Variants in LPP observed in about 807,000 individuals in gnomAD.
The protein encoded by LPP is LIM domain containing preferred translocation partner in lipoma.
A neutral mutation model predicts 60.4 loss-of-function variants in LPP; 38 were observed. The ratio of observed to expected loss-of-function variants is 0.63; its 90% CI spans 0.49 to 0.83. The LOEUF (loss-of-function observed/expected upper bound fraction) is 0.83. Among genes scored for constraint, LPP ranks in the 40% least tolerant of loss-of-function variants. The pLI is 0.00. For missense variants in LPP, 902 were observed against 783.6 expected (o/e 1.15, Z -1.80); for synonymous variants, 328 against 290.8 (o/e 1.13, Z -1.30).
intron 2 of LPP, among the ~76,000 whole-genome samples, chr3:188,339,360 G>T (rs1349114501): frequency 6.6e-6 from 1 of 152,346 alleles, no homozygotes; most frequent in East Asian, 1.9e-4. Context: ...TAGCTAGAAA[G>T]ACTTCAGCTT....
At chr3:188,699,589 C>A (rs911298658) in intron 7 of LPP, among the ~76,000 whole-genome samples, 3 of 152,188 alleles carry the variant, frequency 2.0e-5, no homozygotes, top group Admixed American at 1.3e-4. Context: ...GTCAAAATTT[C>A]TGGGTCTTCC....
intron 6 of LPP, among the ~76,000 whole-genome samples, chr3:188,556,104 A>G (rs1829402974): frequency 6.6e-6 from 1 of 152,112 alleles, no homozygotes; most frequent in Non-Finnish European, 1.5e-5. Context: ...TAAAAGTTGG[A>G]CCAATGGATC....
At chr3:188,634,263 A>G (rs1158569059) in intron 7 of LPP, among the ~76,000 whole-genome samples, 3 of 152,140 alleles carry the variant, frequency 2.0e-5, no homozygotes, top group Non-Finnish European at 4.4e-5. Flanking sequence ...TAAAGCTATT[A>G]TTTTTCTCAT....
chr3:188,292,519 T>G (rs1037671072), intron 2 of LPP, among the ~76,000 whole-genome samples: 3 of 152,210 alleles, frequency 2.0e-5, no homozygotes. Context: ...GAATATGCTC[T>G]TAAGTTTCCT....
At chr3:188,443,340 T>G (rs1465802784) in intron 4 of LPP, among the ~76,000 whole-genome samples, 1 of 152,200 alleles carries the variant, frequency 6.6e-6, no homozygotes, top group Non-Finnish European at 1.5e-5. Context: ...TGATGCCATA[T>G]TCTAGAGTGA....
intron 1 of LPP, among the ~76,000 whole-genome samples, chr3:188,203,591 T>A (rs1319591346): frequency 2.8e-5 from 3 of 108,838 alleles, no homozygotes; most frequent in East Asian, 4.9e-4. Flanking sequence ...ATATATATAT[T>A]TAAATATATA....
intron 1 of LPP, among the ~76,000 whole-genome samples, chr3:188,172,065 C>T (rs1424756586): frequency 1.3e-5 from 2 of 152,202 alleles, no homozygotes; most frequent in South Asian, 2.1e-4. Flanking sequence ...GTAACCTCGG[C>T]GAGGTTTGGT....
intron 2 of LPP, among the ~76,000 whole-genome samples, chr3:188,290,246 G>C (rs1252090285): frequency 2.6e-5 from 4 of 152,150 alleles, no homozygotes; most frequent in African/African-American, 9.7e-5. Flanking sequence ...AAAGTGCTGG[G>C]ATTACAGACG....
At chr3:188,219,301 T>G (rs1714910389) in intron 1 of LPP, among the ~76,000 whole-genome samples, 1 of 152,216 alleles carries the variant, frequency 6.6e-6, no homozygotes, top group African/African-American at 2.4e-5. Context: ...CCTTTTATTC[T>G]TTGACTCTAT....
chr3:188,795,510 A>T (rs938100115), intron 9 of LPP, among the ~76,000 whole-genome samples: 1 of 152,188 alleles, frequency 6.6e-6, no homozygotes, highest in African/African-American at 2.4e-5. Flanking sequence ...CAGTGGTGGG[A>T]TGGTTACAGT....
intron 3 of LPP, among the ~76,000 whole-genome samples, chr3:188,381,091 C>T (rs1776756475): frequency 6.6e-6 from 1 of 152,088 alleles, no homozygotes; most frequent in South Asian, 2.1e-4. Flanking sequence ...GATGGAGTCT[C>T]CTTTAATAAA....
intron 8 of LPP, among the ~76,000 whole-genome samples, chr3:188,716,108 C>A (rs1339059576): frequency 6.6e-6 from 1 of 152,168 alleles, no homozygotes; most frequent in Non-Finnish European, 1.5e-5. Context: ...TAGCATTTAT[C>A]TAAGGAAACT....
intron 9 of LPP, among the ~76,000 whole-genome samples, chr3:188,770,344 A>ATT (rs61040174): frequency 5.2e-5 from 6 of 115,408 alleles, no homozygotes; most frequent in Non-Finnish European, 8.9e-5. Flanking sequence ...ACGCCCAGCT[A>ATT]TTTTTTTTTT....
intron 9 of LPP, among the ~76,000 whole-genome samples, chr3:188,778,155 T>G (rs902756786): frequency 1.3e-5 from 2 of 152,200 alleles, no homozygotes; most frequent in South Asian, 4.1e-4. Context: ...GAAGATGAAT[T>G]TCAGGTACAA....
At chr3:188,521,745 A>G (rs1818928382) in intron 5 of LPP, among the ~76,000 whole-genome samples, 1 of 152,168 alleles carries the variant, frequency 6.6e-6, no homozygotes, top group Non-Finnish European at 1.5e-5. Flanking sequence ...CTTAGATAGA[A>G]CATGTGATAT....
At chr3:188,258,486 C>T (rs1386823434) in intron 2 of LPP, among the ~76,000 whole-genome samples, 1 of 152,154 alleles carries the variant, frequency 6.6e-6, no homozygotes, top group Non-Finnish European at 1.5e-5. Flanking sequence ...CTACGCCTGG[C>T]TAATTCGTAT....
intron 6 of LPP, among the ~76,000 whole-genome samples, chr3:188,536,484 G>A (rs1297291847): frequency 1.3e-5 from 2 of 152,076 alleles, no homozygotes; most frequent in African/African-American, 4.8e-5. Flanking sequence ...CCAATTAATT[G>A]TCTAAATCTA....
At chr3:188,302,264 C>T (rs1750138376) in intron 2 of LPP, among the ~76,000 whole-genome samples, 1 of 152,164 alleles carries the variant, frequency 6.6e-6, no homozygotes, top group African/African-American at 2.4e-5. Flanking sequence ...AATGATTTGC[C>T]TAAGTTTACA....
intron 9 of LPP, among the ~76,000 whole-genome samples, chr3:188,812,912 T>C (rs897885600): frequency 6.6e-6 from 1 of 152,082 alleles, no homozygotes; most frequent in African/African-American, 2.4e-5. Flanking sequence ...TTTTTTATCC[T>C]TTAGCTTTTC....
Sources: gnomAD v4.1 joint callset for allele counts (sites outside exome capture counted in the v4.1 genomes callset) on GRCh38, gnomAD v4.1.1 for gene constraint, MANE v1.5 for transcripts, NCBI Gene and HGNC (gene_info 2026-07-23, HGNC 2026-07-21) for gene names.